Variants in ZNF136 observed in about 807,000 individuals in gnomAD.
ZNF136 encodes zinc finger protein 136 (clone pHZ-20).
Under a neutral mutation model 11.4 loss-of-function variants are expected in ZNF136, and 8 were observed. The ratio of observed to expected loss-of-function variants is 0.70; its 90% CI spans 0.41 to 1.27. ZNF136 has a LOEUF of 1.27. Ranked by LOEUF, ZNF136 falls within the 50% of genes most tolerant of loss-of-function variation. The pLI, the probability that ZNF136 is intolerant of heterozygous loss-of-function variation, is 0.01. For missense variants in ZNF136, 590 were observed against 656.5 expected, an observed-to-expected ratio of 0.90 and a Z score of 1.11; for synonymous variants, 190 against 207.1, an observed-to-expected ratio of 0.92 and a Z score of 0.71.
chr19:12,185,623 AG>A (rs1310781310), intron 1 of ZNF136, 161 bp from the exon 2 acceptor site: 13 of 824,984 alleles, frequency 1.6e-5, no homozygotes, highest in Non-Finnish European at 2.4e-5. Flanking sequence ...GTTCCATTCT[AG>A]TATGAGAGTT....
chr19:12,172,429 C>G (rs1191223410), intron 1 of ZNF136, among the ~76,000 whole-genome samples: 2 of 152,044 alleles, frequency 1.3e-5, no homozygotes, highest in Non-Finnish European at 2.9e-5. Context: ...GATGTTATAC[C>G]CATGACCAGG....
At chr19:12,175,705 G>A (rs1268597102) in intron 1 of ZNF136, among the ~76,000 whole-genome samples, 1 of 152,112 alleles carries the variant, frequency 6.6e-6, no homozygotes, top group Non-Finnish European at 1.5e-5. Context: ...TCTTGCAGTT[G>A]TACATTCTGT....
intron 1 of ZNF136, among the ~76,000 whole-genome samples, chr19:12,178,598 T>G (rs1914856178): frequency 6.6e-6 from 1 of 152,230 alleles, no homozygotes; most frequent in African/African-American, 2.4e-5. Context: ...GTTAATGTCT[T>G]TTTCATTTGC....
At position 12,187,922 on chromosome 19, in the gene ZNF136, G is replaced by A; in HGVS notation, c.1544G>A (p.Cys515Tyr). 1 of 1,575,250 alleles carries A rather than the reference G, an allele frequency of 6.3e-7. No individual in the cohort carries two copies. ...HCKECGKAYS[C>Y]RASFQRHMLT... ...AAGGAATGTGGGAAAGCCTATTCTTGCCGTGCCAGCTTTCAGAGACACATG... is the reference window on the plus strand; with the variant it reads ...AAGGAATGTGGGAAAGCCTATTCTTACCGTGCCAGCTTTCAGAGACACATG... Residue 515 changes from cysteine (C) to tyrosine (Y), a missense_variant, in exon 4 of 4, where the codon TGC (cysteine) becomes TAC (tyrosine). Coordinates refer to ENST00000343979, the MANE Select transcript of ZNF136 (RefSeq NM_003437.5).
In ZNF136 at chr19:12,185,911, G is replaced by C; in HGVS notation, c.130G>C (p.Gly44Arg). The change falls in exon 2 of 4, where the codon GGG (glycine) becomes CGG (arginine). Residue 44 changes from glycine to arginine, a missense_variant and splice_region_variant. Transcript: ENST00000343979. The part of the protein sequence containing the change: ...WETMRNLASI[G>R]KKWKDQNIKD... ...AACCATGAGGAATCTGGCCTCTATAGGTAAGGATTGTATACTTCCATCACT... is the reference window on the plus strand; with the variant it reads ...AACCATGAGGAATCTGGCCTCTATACGTAAGGATTGTATACTTCCATCACT... 6.2e-7 allele frequency: 1 copy of C among 1,613,348 alleles called. No individual in the cohort carries two copies. The highest frequency in any genetic ancestry group is 8.5e-7 in the Non-Finnish European group (1 of 1,179,830).
At chr19:12,179,281 A>C (rs1213443153) in intron 1 of ZNF136, among the ~76,000 whole-genome samples, 1 of 151,962 alleles carries the variant, frequency 6.6e-6, no homozygotes, top group Non-Finnish European at 1.5e-5. Context: ...GTGTATCAAT[A>C]GGAGAGCGCT....
chr19:12,184,404 A>C (rs1915030545), intron 1 of ZNF136, among the ~76,000 whole-genome samples: 1 of 152,088 alleles, frequency 6.6e-6, no homozygotes. Context: ...ACTAAAAAAT[A>C]CAAAAAATTA....
intron 1 of ZNF136, among the ~76,000 whole-genome samples, chr19:12,175,963 A>T (rs1485082367): frequency 6.6e-6 from 1 of 152,012 alleles, no homozygotes; most frequent in Admixed American, 6.6e-5. Context: ...TGATCATGAA[A>T]TTTTTTTTAA....
In ZNF136 at chr19:12,187,003, A is replaced by G; in HGVS notation, c.625A>G (p.Ser209Gly). Residue 209 changes from serine to glycine, a missense_variant, in exon 4 of 4, where the codon AGT (serine) becomes GGT (glycine). Transcript: ENST00000343979. ...KVCGKAFDYP[S>G]RFRTHERSHT... Reference sequence around the variant, plus strand: ...GTGTGGGAAAGCTTTTGATTATCCCAGTAGATTTCGAACACATGAAAGAAG... The same window carrying G: ...GTGTGGGAAAGCTTTTGATTATCCCGGTAGATTTCGAACACATGAAAGAAG... The G allele has an allele frequency of 6.2e-7, 1 of 1,614,138 alleles. No homozygotes were observed. The highest frequency in any genetic ancestry group is 1.1e-5 in the South Asian group (1 of 91,084).
intron 1 of ZNF136, among the ~76,000 whole-genome samples, chr19:12,183,548 A>AATATATCT (rs1555729179): frequency 6.9e-6 from 1 of 145,418 alleles, no homozygotes; most frequent in Admixed American, 7.0e-5. Flanking sequence ...CACATAACTG[A>AATATATCT]ATCTATCTAT....
intron 1 of ZNF136, among the ~76,000 whole-genome samples, chr19:12,183,568 T>A (rs1025434835): frequency 2.0e-5 from 3 of 151,234 alleles, no homozygotes; most frequent in African/African-American, 7.3e-5. Flanking sequence ...TCTATCTATC[T>A]ATCTATCTAT....
chr19:12,170,696 C>T (rs1052257798), intron 1 of ZNF136, among the ~76,000 whole-genome samples: 19 of 149,470 alleles, frequency 1.3e-4, no homozygotes, highest in Non-Finnish European at 2.1e-4. Context: ...GACGGAGTCT[C>T]GCTCTGTCGC....
At chr19:12,172,985 C>G (rs980085240) in intron 1 of ZNF136, among the ~76,000 whole-genome samples, 1 of 152,080 alleles carries the variant, frequency 6.6e-6, no homozygotes, top group Non-Finnish European at 1.5e-5. Flanking sequence ...GCACTCCAGC[C>G]TGGCGACAGA....
chr19:12,186,152 A>C lies in ZNF136; in HGVS notation c.169A>C (p.Lys57Gln), dbSNP rs761121296. ...WKDQNIKDHY[K>Q]HRGRNLRSHM... ...GGACCAGAACATTAAAGATCACTAC[A>C]AACACCGAGGGAGAAATCTAAGGTA... The change falls in exon 3 of 4, where the codon AAA becomes CAA. Residue 57 changes from lysine to glutamine, a missense_variant. Transcript: ENST00000343979. The C allele has an allele frequency of 6.2e-7, 1 of 1,611,440 alleles. No homozygotes were observed. The highest frequency in any genetic ancestry group is 8.5e-7 in the Non-Finnish European group (1 of 1,179,358).
chr19:12,188,646 G>A lies in ZNF136; in HGVS notation c.*645G>A, dbSNP rs541506029. 1.4e-4 allele frequency: 22 copies of A among 152,288 alleles called. No homozygotes were observed. The highest frequency in any genetic ancestry group is 5.3e-4 in the African/African-American group (22 of 41,548). The allele number at this position is 152,288 out of a possible 1,614,324, so 9.4% of individuals were successfully genotyped here. The stretch of plus-strand genomic sequence containing the variant: ...TCCCAGCAGGGCCTCACTAGTTGAG[G>A]TATTGAATTTGAACAGATGTTTTGG... On this transcript the variant is annotated 3_prime_UTR_variant, in exon 4 of 4. Transcript: ENST00000343979.
chr19:12,173,010 CA>C (rs983839821), intron 1 of ZNF136, among the ~76,000 whole-genome samples: 1 of 148,958 alleles, frequency 6.7e-6, no homozygotes, highest in African/African-American at 2.5e-5. Flanking sequence ...GACTCCATCT[CA>C]AAAAAAAACA....
intron 1 of ZNF136, among the ~76,000 whole-genome samples, chr19:12,169,122 G>GC (rs1291715839): frequency 6.6e-6 from 1 of 152,154 alleles, no homozygotes; most frequent in Non-Finnish European, 1.5e-5. Context: ...GCACATCAGG[G>GC]CCGGGACTGG....
At chr19:12,178,694 A>C (rs1255961600) in intron 1 of ZNF136, among the ~76,000 whole-genome samples, 1 of 152,114 alleles carries the variant, frequency 6.6e-6, no homozygotes, top group Non-Finnish European at 1.5e-5. Flanking sequence ...GTTATTTGTT[A>C]AATATTGTGA....
chr19:12,188,951 C>T lies in ZNF136; in HGVS notation c.*950C>T, dbSNP rs777087355. 9 of 152,142 alleles carry T rather than the reference C, an allele frequency of 5.9e-5. No homozygotes were observed. The highest frequency in any genetic ancestry group is 1.5e-5 in the Non-Finnish European group (1 of 68,034). 9.4% of individuals were successfully genotyped at this position (152,142 alleles called of 1,614,324 possible). On this transcript the variant is annotated 3_prime_UTR_variant, in exon 4 of 4. Coordinates refer to ENST00000343979, the MANE Select transcript of ZNF136 (RefSeq NM_003437.5). The stretch of plus-strand genomic sequence containing the variant: ...ATATGTATATTTTGTTAATTAGTGG[C>T]TCATATTTAAAATAGTTCTCTGACT...
Sources: gnomAD v4.1 joint callset for allele counts (sites outside exome capture counted in the v4.1 genomes callset) on GRCh38, gnomAD v4.1.1 for gene constraint, MANE v1.5 for transcripts, NCBI Gene and HGNC (gene_info 2026-07-23, HGNC 2026-07-21) for gene names.